Variants in TMEM108 observed in about 807,000 individuals in gnomAD.
TMEM108 encodes the protein cancer/testis antigen 124.
A neutral mutation model predicts 35.1 loss-of-function variants in TMEM108; 12 were observed. The ratio of observed to expected loss-of-function variants is 0.34; its 90% CI spans 0.22 to 0.55. The LOEUF is 0.55. Ranked by LOEUF, TMEM108 falls within the 20% of genes least tolerant of loss-of-function variation. The pLI is 0.89. For synonymous variants in TMEM108, 287 were observed against 308.6 expected, an observed-to-expected ratio of 0.93 and a Z score of 0.73; for missense variants, 680 against 753.3, an observed-to-expected ratio of 0.90 and a Z score of 1.14.
intron 3 of TMEM108, among the ~76,000 whole-genome samples, chr3:133,322,265 A>G (rs961129970): frequency 6.6e-6 from 1 of 152,202 alleles, no homozygotes; most frequent in Non-Finnish European, 1.5e-5. Flanking sequence ...AATAAAATTG[A>G]TAGACCATTA....
At chr3:133,052,161 CAG>C (rs1163914274) in intron 2 of TMEM108, among the ~76,000 whole-genome samples, 3 of 152,050 alleles carry the variant, frequency 2.0e-5, no homozygotes, top group East Asian at 1.9e-4. Flanking sequence ...GTTCTTTCAC[CAG>C]AGTTTTGTAG....
Position 133,038,916 on chromosome 3 carries a change from A to C in TMEM108, c.-166+481A>C, listed in dbSNP as rs779220333. On this transcript the variant is annotated intron_variant, in intron 1 of 5. Coordinates refer to ENST00000321871, the MANE Select transcript of TMEM108 (RefSeq NM_023943.4). ...CGGCCGCGAGCGGAGCCGAATTCCT[A>C]GCGCAGCTGTGCGAAGAGCCCTCCT... Among the ~76,000 whole-genome samples, 4 of 152,316 alleles carry C rather than the reference A, an allele frequency of 2.6e-5. No homozygotes were observed. The East Asian group carries it at 5.8e-4, about 22-fold the overall frequency.
At chr3:133,344,086 T>C (rs1269923636) in intron 3 of TMEM108, among the ~76,000 whole-genome samples, 1 of 151,918 alleles carries the variant, frequency 6.6e-6, no homozygotes, top group Non-Finnish European at 1.5e-5. Flanking sequence ...TTACAGATGA[T>C]ATAATCTTCT....
At chr3:133,060,698 C>G (rs78951793) in intron 2 of TMEM108, among the ~76,000 whole-genome samples, 2,537 of 152,240 alleles carry the variant, frequency 0.017, 83 homozygotes, top group African/African-American at 0.058. Flanking sequence ...ATGCTGTTAT[C>G]TTTCTGGAAG....
intron 2 of TMEM108, among the ~76,000 whole-genome samples, chr3:133,072,808 G>A (rs1197565977): frequency 2.0e-5 from 3 of 152,082 alleles, no homozygotes; most frequent in Non-Finnish European, 4.4e-5. Context: ...TAGCAGTCAT[G>A]CCCTACCCCG....
chr3:133,295,316 G>A (rs1312424310), intron 3 of TMEM108, among the ~76,000 whole-genome samples: 1 of 152,134 alleles, frequency 6.6e-6, no homozygotes, highest in African/African-American at 2.4e-5. Context: ...GGAGAAGTAA[G>A]GAGAGCAAGG....
chr3:133,201,979 A>C (rs1945675197), intron 2 of TMEM108, among the ~76,000 whole-genome samples: 1 of 152,152 alleles, frequency 6.6e-6, no homozygotes, highest in South Asian at 2.1e-4. Context: ...CTGACTTTTT[A>C]ATGATCACCA....
At chr3:133,209,793 A>T (rs1016721236) in intron 2 of TMEM108, among the ~76,000 whole-genome samples, 4 of 152,122 alleles carry the variant, frequency 2.6e-5, no homozygotes, top group Non-Finnish European at 5.9e-5. Flanking sequence ...CCTGAGAATG[A>T]ATGATTTAGA....
chr3:133,390,231 C>T lies in TMEM108; in HGVS notation c.1502C>T (p.Pro501Leu), dbSNP rs763946980. 28 of 1,614,038 alleles carry T rather than the reference C, an allele frequency of 1.7e-5. No individual in the cohort carries two copies. The highest frequency in any genetic ancestry group is 2.2e-5 in the Non-Finnish European group (26 of 1,180,046). ...AAGAGGAAGAAGAAGACCGCCAACC[C>T]GGAGAACAACCTGAGCTACTGGAAC... ...CMKRKKKTAN[P>L]ENNLSYWNNT... Residue 501 changes from proline to leucine, a missense_variant, in exon 5 of 6, where the codon CCG (proline) becomes CTG (leucine). Coordinates refer to ENST00000321871, the MANE Select transcript of TMEM108 (RefSeq NM_023943.4).
intron 2 of TMEM108, among the ~76,000 whole-genome samples, chr3:133,090,555 T>C (rs999911002): frequency 1.7e-4 from 26 of 152,326 alleles, no homozygotes; most frequent in Non-Finnish European, 3.1e-4. Flanking sequence ...AAAGAAATAA[T>C]ATATTCATAT....
chr3:133,312,046 G>A (rs915727400), intron 3 of TMEM108, among the ~76,000 whole-genome samples: 17 of 152,260 alleles, frequency 1.1e-4, no homozygotes, highest in Non-Finnish European at 2.2e-4. Flanking sequence ...AGCAGAGGCT[G>A]CAAAACAGCA....
intron 3 of TMEM108, among the ~76,000 whole-genome samples, chr3:133,258,376 C>T (rs1946577671): frequency 6.6e-6 from 1 of 152,168 alleles, no homozygotes; most frequent in Non-Finnish European, 1.5e-5. Flanking sequence ...TTCCATCAAG[C>T]TACAAGAAGG....
intron 3 of TMEM108, among the ~76,000 whole-genome samples, chr3:133,370,921 T>C (rs188279736): frequency 0.046 from 6,388 of 139,372 alleles, 495 homozygotes; most frequent in African/African-American, 0.16. Flanking sequence ...TGTGTGTGTG[T>C]GCCAGGAAGC....
chr3:133,342,555 T>TATATATATATACACACAC (rs60991711), intron 3 of TMEM108, among the ~76,000 whole-genome samples: 1 of 63,418 alleles, frequency 1.6e-5, no homozygotes, highest in African/African-American at 5.2e-5. Flanking sequence ...TATATATATA[T>TATATATATATACACACAC]ACACACACAC....
intron 3 of TMEM108, among the ~76,000 whole-genome samples, chr3:133,288,077 T>C (rs1485154460): frequency 6.6e-6 from 1 of 152,166 alleles, no homozygotes; most frequent in East Asian, 1.9e-4. Flanking sequence ...AAATTGTTAA[T>C]AAAAAAGAGC....
intron 3 of TMEM108, among the ~76,000 whole-genome samples, chr3:133,334,341 G>A (rs1278718051): frequency 1.3e-5 from 2 of 152,134 alleles, no homozygotes; most frequent in South Asian, 4.1e-4. Context: ...GACAAAAAAC[G>A]AGACCCAGTA....
At chr3:133,275,318 AAAGC>A (rs1347750767) in intron 3 of TMEM108, among the ~76,000 whole-genome samples, 3 of 152,242 alleles carry the variant, frequency 2.0e-5, no homozygotes, top group Non-Finnish European at 4.4e-5. Flanking sequence ...TTAAAAATAA[AAAGC>A]AAGTAAAATT....
At chr3:133,226,181 T>TTC (rs1033868225) in intron 2 of TMEM108, among the ~76,000 whole-genome samples, 21 of 152,162 alleles carry the variant, frequency 1.4e-4, no homozygotes, top group African/African-American at 4.8e-4. Context: ...GTTAAGATAA[T>TTC]TGGTGGTGGA....
At chr3:133,182,082 A>G (rs1027249530) in intron 2 of TMEM108, among the ~76,000 whole-genome samples, 2 of 152,178 alleles carry the variant, frequency 1.3e-5, no homozygotes, top group African/African-American at 4.8e-5. Context: ...TGTCTGGGAA[A>G]CATGGCTTGA....
Sources: gnomAD v4.1 joint callset for allele counts (sites outside exome capture counted in the v4.1 genomes callset) on GRCh38, gnomAD v4.1.1 for gene constraint, MANE v1.5 for transcripts, NCBI Gene and HGNC (gene_info 2026-07-23, HGNC 2026-07-21) for gene names.